The following ATRN variants were observed in gnomAD, a reference collection of about 807,000 sequenced individuals.
ATRN encodes attractin.
In ATRN, 54 loss-of-function variants were observed where a neutral mutation model predicts 178.7. The ratio of observed to expected loss-of-function variants is 0.30; its 90% CI spans 0.24 to 0.38. The LOEUF is 0.38. Among genes scored for constraint, ATRN ranks in the 10% least tolerant of loss-of-function variants. The probability of loss-of-function intolerance (pLI) is 1.00; values close to 1 mark genes in which losing one functional copy is unlikely to be tolerated. For missense variants in ATRN, 1,443 were observed against 1,815.1 expected (o/e 0.79, Z 3.73); for synonymous variants, 636 against 663.0 (o/e 0.96, Z 0.63).
intron 26 of ATRN, among the ~76,000 whole-genome samples, chr20:3,637,139 C>G (rs147949110): frequency 0.01 from 1,598 of 152,256 alleles, 13 homozygotes; most frequent in Middle Eastern, 0.041. Context: ...ATAAACTATG[C>G]TTTTACCCGT....
intron 8 of ATRN, 104 bp from the exon 9 acceptor site, chr20:3,562,172 C>G: frequency 1.1e-6 from 1 of 920,078 alleles, no homozygotes; most frequent in Non-Finnish European, 1.6e-6. Context: ...GTATATGTAT[C>G]AGGTCTCCTG....
rs113963383 is a variant in ATRN, at chr20:3,625,062, A to G, written c.3863+490A>G. 1.5e-3 allele frequency among the ~76,000 whole-genome samples: 235 copies of G among 152,336 alleles called. 3 individuals are homozygous for G. Among genetic ancestry groups the G allele is most frequent in the African/African-American group, 4.7e-3 (194 of 41,586 alleles). On this transcript the variant is annotated intron_variant, in intron 25 of 28. Transcript: ENST00000262919. ...CTAATTTTATCTTTATGAAAATACT[A>G]TAGACAAATAATTGAAAAAGACAAA...
At chr20:3,634,742 C>T (rs1360093455) in intron 26 of ATRN, among the ~76,000 whole-genome samples, 1 of 152,172 alleles carries the variant, frequency 6.6e-6, no homozygotes, top group Non-Finnish European at 1.5e-5. Flanking sequence ...GATTAGGCAC[C>T]GCCTTCATGA....
At chr20:3,580,865 A>G (rs898612673) in intron 15 of ATRN, among the ~76,000 whole-genome samples, 2 of 152,202 alleles carry the variant, frequency 1.3e-5, no homozygotes, top group African/African-American at 4.8e-5. Flanking sequence ...AGGGCCTTTA[A>G]AAAGTATTTT....
At chr20:3,479,901 T>C (rs984281705) in intron 1 of ATRN, among the ~76,000 whole-genome samples, 19 of 152,238 alleles carry the variant, frequency 1.2e-4, no homozygotes, top group Non-Finnish European at 2.5e-4. Flanking sequence ...CCAGTCATAG[T>C]GGATGAACGA....
chr20:3,614,200 A>T (rs1286559391), intron 24 of ATRN, among the ~76,000 whole-genome samples: 1 of 152,064 alleles, frequency 6.6e-6, no homozygotes, highest in Non-Finnish European at 1.5e-5. Context: ...GTGGGTGAGC[A>T]CCCTTCCCTC....
intron 1 of ATRN, among the ~76,000 whole-genome samples, chr20:3,474,290 A>G (rs2084480400): frequency 6.6e-6 from 1 of 152,160 alleles, no homozygotes; most frequent in Admixed American, 6.5e-5. Flanking sequence ...AGGTGATGTC[A>G]GTGCTGTTTC....
chr20:3,576,711 A>ATCTATCTG, intron 13 of ATRN, 148 bp from the exon 14 acceptor site: 1 of 623,232 alleles, frequency 1.6e-6, no homozygotes, highest in Non-Finnish European at 2.8e-6. Flanking sequence ...CTATCTATCT[A>ATCTATCTG]TCTATCTATC....
rs571046439 is a variant in ATRN, at chr20:3,509,279, A to T, written c.411-25974A>T. On this transcript the variant is annotated intron_variant, in intron 1 of 28. Coordinates refer to ENST00000262919, the MANE Select transcript of ATRN (RefSeq NM_139321.3). Reference sequence around the variant, plus strand: ...TGAGTCAAATATTGAAAGCAAAAGGATAGAGAAAAAGGTATATCACACTCT... The same window carrying T: ...TGAGTCAAATATTGAAAGCAAAAGGTTAGAGAAAAAGGTATATCACACTCT... Among the ~76,000 whole-genome samples, 5 of 152,256 alleles carry T rather than the reference A, an allele frequency of 3.3e-5. No homozygotes were observed. The South Asian group carries it at 1.0e-3, about 32-fold the overall frequency.
chr20:3,549,848 C>A (rs933656816), intron 6 of ATRN, among the ~76,000 whole-genome samples: 3 of 152,032 alleles, frequency 2.0e-5, no homozygotes, highest in African/African-American at 7.2e-5. Flanking sequence ...GATTTTATTA[C>A]CTGGAACTTT....
intron 27 of ATRN, among the ~76,000 whole-genome samples, chr20:3,642,106 G>C (rs2087073727): frequency 6.6e-6 from 1 of 152,326 alleles, no homozygotes; most frequent in African/African-American, 2.4e-5. Flanking sequence ...AGCTGTTCTT[G>C]CTCAGTGGTC....
Position 3,632,460 on chromosome 20 carries a change from G to A in ATRN, c.3864-1851G>A, listed in dbSNP as rs1042674443. Among the ~76,000 whole-genome samples the A allele has an allele frequency of 7.9e-5, 12 of 152,082 alleles. No individual in the cohort carries two copies. The highest frequency in any genetic ancestry group is 2.9e-4 in the African/African-American group (12 of 41,420). On this transcript the variant is annotated intron_variant, in intron 25 of 28. Coordinates refer to ENST00000262919, the MANE Select transcript of ATRN (RefSeq NM_139321.3). The surrounding 1 kb of genome is among the most constrained non-coding windows in gnomAD (Gnocchi z 4.2). ...CCCACTCCAAACATGCTGGCCTCCT[G>A]AGGCTCCCCAAGCCATCCCAGGCAC... is the stretch of plus-strand genomic sequence containing the variant.
At chr20:3,473,923 G>C (rs928015927) in intron 1 of ATRN, among the ~76,000 whole-genome samples, 2 of 152,160 alleles carry the variant, frequency 1.3e-5, no homozygotes, top group Non-Finnish European at 2.9e-5. Context: ...TCTTGGAAAG[G>C]TGGGGGATGG....
chr20:3,619,163 C>T (rs2086876745), intron 24 of ATRN, among the ~76,000 whole-genome samples: 2 of 152,190 alleles, frequency 1.3e-5, no homozygotes, highest in Non-Finnish European at 2.9e-5. Context: ...AAAGACTTCA[C>T]CTCACAGGGT....
At chr20:3,533,777 A>G (rs2085486440) in intron 1 of ATRN, among the ~76,000 whole-genome samples, 1 of 151,980 alleles carries the variant, frequency 6.6e-6, no homozygotes, top group Non-Finnish European at 1.5e-5. Flanking sequence ...TCTTTTTTCT[A>G]CATCTATATC....
chr20:3,630,249 C>T (rs554160558), intron 25 of ATRN, among the ~76,000 whole-genome samples: 33 of 152,300 alleles, frequency 2.2e-4, no homozygotes, highest in East Asian at 3.9e-4. Context: ...TATTTTTCAT[C>T]GTGGTATTCA....
At chr20:3,640,097 G>T (rs62206517) in intron 27 of ATRN, among the ~76,000 whole-genome samples, 1 of 152,176 alleles carries the variant, frequency 6.6e-6, no homozygotes, top group African/African-American at 2.4e-5. Context: ...ATATAACTGT[G>T]TATGAAATGT....
At chr20:3,622,249 C>T (rs190941854) in intron 24 of ATRN, among the ~76,000 whole-genome samples, 25 of 152,316 alleles carry the variant, frequency 1.6e-4, no homozygotes, top group Non-Finnish European at 3.1e-4. Flanking sequence ...CCCTTAATCT[C>T]GTTTAGAGAA....
intron 1 of ATRN, among the ~76,000 whole-genome samples, chr20:3,476,883 G>A (rs927531024): frequency 6.6e-6 from 1 of 152,220 alleles, no homozygotes; most frequent in Non-Finnish European, 1.5e-5. Flanking sequence ...GAAAATTCTT[G>A]AAAACAAAAT....
Sources: gnomAD v4.1 joint callset for allele counts (sites outside exome capture counted in the v4.1 genomes callset) on GRCh38, gnomAD v4.1.1 for gene constraint, Gnocchi (gnomAD v3.1) non-coding constraint, MANE v1.5 for transcripts, NCBI Gene and HGNC (gene_info 2026-07-23, HGNC 2026-07-21) for gene names.